Variants in CHD1L observed in about 807,000 individuals in gnomAD.
CHD1L encodes ATP-dependent chromatin remodeler CHD1L.
A neutral mutation model predicts 115.9 loss-of-function variants in CHD1L; 118 were observed. The observed-to-expected ratio is 1.02, with a 90% confidence interval of 0.88 to 1.19. CHD1L has a LOEUF of 1.19. CHD1L is among the 50% of genes most tolerant of loss of function. The pLI, the probability that CHD1L is intolerant of heterozygous loss-of-function variation, is 0.00. For synonymous variants in CHD1L, 411 were observed against 387.1 expected (o/e 1.06, Z -0.72); for missense variants, 1,179 against 1,065.3 (o/e 1.11, Z -1.49).
chr1:147,231,080 T>C, the CHD1L span, among the ~76,000 whole-genome samples: 4 of 152,208 alleles, frequency 2.6e-5, no homozygotes, highest in African/African-American at 9.6e-5. Flanking sequence ...GCTTCTCTAG[T>C]TCTTTTAATT....
chr1:147,284,041 G>A (rs1553963539), intron 15 of CHD1L, among the ~76,000 whole-genome samples: 1 of 152,196 alleles, frequency 6.6e-6, no homozygotes, highest in East Asian at 1.9e-4. Flanking sequence ...TTTGCGCTGA[G>A]GGATAGTTGG....
intron 1 of CHD1L, among the ~76,000 whole-genome samples, chr1:147,245,558 G>A (rs1553933330): frequency 6.6e-6 from 1 of 152,140 alleles, no homozygotes; most frequent in African/African-American, 2.4e-5. Context: ...CGACAATTTT[G>A]TGGTGATCTA....
chr1:147,272,106 T>A, intron 11 of CHD1L, 65 bp from the exon 12 acceptor site: 2 of 1,424,714 alleles, frequency 1.4e-6, no homozygotes, highest in Non-Finnish European at 1.9e-6. Context: ...TTGGGCTTAA[T>A]TTTTTATTCC....
At chr1:147,208,782 T>G in the CHD1L span, 5 of 1,308,012 alleles carry the variant, frequency 3.8e-6, no homozygotes, top group African/African-American at 7.3e-5. Flanking sequence ...GCTTTACTAT[T>G]AGCCAGTGTG....
At chr1:147,186,608 A>G in the CHD1L span, 5 of 1,118,718 alleles carry the variant, frequency 4.5e-6, no homozygotes, top group South Asian at 1.1e-4. Flanking sequence ...AGCACCTACC[A>G]CATGTCAAGA....
upstream of CHD1L, among the ~76,000 whole-genome samples, chr1:147,239,954 G>T (rs1664720660): frequency 6.6e-6 from 1 of 152,188 alleles, no homozygotes; most frequent in Admixed American, 6.5e-5. Context: ...TAGGACAGAG[G>T]TCCCTCTGGA....
intron 14 of CHD1L, among the ~76,000 whole-genome samples, chr1:147,277,367 T>G (rs1284391179): frequency 6.6e-6 from 1 of 152,178 alleles, no homozygotes; most frequent in Non-Finnish European, 1.5e-5. Flanking sequence ...GTAATTAGTC[T>G]GAAAAAACAG....
In CHD1L at chr1:147,252,728, C is replaced by T. The variant is rs1553937335; in HGVS notation, c.233C>T (p.Thr78Ile). The T allele has an allele frequency of 1.2e-6, 2 of 1,613,030 alleles. No homozygotes were observed. The highest frequency in any genetic ancestry group is 1.7e-6 in the Non-Finnish European group (2 of 1,179,214). The change falls in exon 2 of 23, where the codon ACC becomes ATC. Residue 78 changes from threonine to isoleucine, a missense_variant. Thr to Ile is a moderately conservative substitution (Grantham distance 89). Transcript: ENST00000369258. ...ILGDEMGLGK[T>I]CQTIALFIYL... ...GGAGATGAGATGGGCCTGGGGAAGA[C>T]CTGCCAGGTGTGTTACTATGCGACG...
At chr1:147,187,251 G>C in the CHD1L span, 2 of 1,574,376 alleles carry the variant, frequency 1.3e-6, no homozygotes, top group Non-Finnish European at 1.7e-6. Context: ...CATACCTAAA[G>C]TAGAAAAGAC....
intron 13 of CHD1L, 79 bp downstream of exon 13, chr1:147,275,547 G>A: frequency 9.0e-7 from 1 of 1,115,312 alleles, no homozygotes; most frequent in Non-Finnish European, 1.3e-6. Context: ...TATAGTCCTG[G>A]TGACAGTCCC....
In CHD1L at chr1:147,280,196, G is replaced by A. The variant is rs1190154002; in HGVS notation, c.1705+5G>A. The A allele has an allele frequency of 6.3e-7, 1 of 1,583,384 alleles. No individual in the cohort carries two copies. The highest frequency in any genetic ancestry group is 8.6e-7 in the Non-Finnish European group (1 of 1,166,128). ...GCAGAGATCAAGAGGAAGGAAGTAA[G>A]TTGGAGGTTAGAGCAGAGCAAATGG... On this transcript the variant is annotated splice_donor_5th_base_variant and intron_variant, in intron 15 of 22. Coordinates refer to ENST00000369258, the MANE Select transcript of CHD1L (RefSeq NM_004284.6).
At chr1:147,179,348 T>G in the CHD1L span, 1 of 1,602,514 alleles carries the variant, frequency 6.2e-7, no homozygotes, top group Non-Finnish European at 8.6e-7. Flanking sequence ...TGTAAGAACC[T>G]GGAGCCCAAG....
At chr1:147,219,598 C>T in the CHD1L span, among the ~76,000 whole-genome samples, 2 of 152,036 alleles carry the variant, frequency 1.3e-5, no homozygotes, top group Non-Finnish European at 2.9e-5. Context: ...TCTCTCACCA[C>T]TCCTATGGAA....
chr1:147,212,660 G>T, the CHD1L span: 2 of 887,304 alleles, frequency 2.3e-6, no homozygotes, highest in Non-Finnish European at 3.4e-6. Flanking sequence ...TCTTTACTCA[G>T]CTACTTTCTT....
the CHD1L span, chr1:147,201,625 C>A: frequency 1.4e-6 from 1 of 707,040 alleles, no homozygotes; most frequent in Non-Finnish European, 2.4e-6. Context: ...TTGGTCTATG[C>A]ATGAAGTTTG....
chr1:147,267,411 T>C lies in CHD1L; in HGVS notation c.896-15T>C, dbSNP rs1559795588. 3.7e-6 allele frequency: 6 copies of C among 1,601,780 alleles called. No homozygotes were observed. Among genetic ancestry groups the C allele is most frequent in the Non-Finnish European group, 5.1e-6 (6 of 1,170,330 alleles). ...GCCATCTCTTTCTGTCTCTCTCTTTTTTTTTAAATTTCAGATGCATTTGAA... is the reference window on the plus strand; with the variant it reads ...GCCATCTCTTTCTGTCTCTCTCTTTCTTTTTAAATTTCAGATGCATTTGAA... On this transcript the variant is annotated splice_polypyrimidine_tract_variant and intron_variant, in intron 8 of 22. Transcript: ENST00000369258.
chr1:147,203,344 A>G, the CHD1L span: 15 of 1,464,728 alleles, frequency 1.0e-5, no homozygotes, highest in African/African-American at 2.8e-5. Context: ...TGGTTTTGCC[A>G]TGATTACCTG....
At chr1:147,206,738 G>A in the CHD1L span, among the ~76,000 whole-genome samples, 1 of 152,044 alleles carries the variant, frequency 6.6e-6, no homozygotes, top group Non-Finnish European at 1.5e-5. Context: ...ACAGGAAGGG[G>A]AACATCACAC....
rs782404802 is a variant in CHD1L at position 147,287,664 on chromosome 1, T to G, written c.2251T>G (p.Leu751Val). The G allele has an allele frequency of 1.9e-6, 3 of 1,614,104 alleles. No homozygotes were observed. Among genetic ancestry groups the G allele is most frequent in the Admixed American group, 1.7e-5 (1 of 60,008 alleles). The change falls in exon 19 of 23, where the codon TTA (leucine) becomes GTA (valine). Residue 751 changes from leucine to valine, a missense_variant. By Grantham distance (32) the Leu-to-Val change is conservative (BLOSUM62 1). Coordinates refer to ENST00000369258, the MANE Select transcript of CHD1L (RefSeq NM_004284.6). The part of the protein sequence containing the change: ...DDSGHWGRGG[L>V]FTALEKRSAE... ...CTCTGGCCACTGGGGCAGAGGTGGT[T>G]TATTTACAGCTCTGGAAAAGCGATC... is the stretch of plus-strand genomic sequence containing the variant.
Sources: gnomAD v4.1 joint callset for allele counts (sites outside exome capture counted in the v4.1 genomes callset) on GRCh38, gnomAD v4.1.1 for gene constraint, MANE v1.5 for transcripts, NCBI Gene and HGNC (gene_info 2026-07-23, HGNC 2026-07-21) for gene names.